The following PLCG1 variants were observed in gnomAD, a reference collection of about 807,000 sequenced individuals.
PLCG1 encodes phospholipase C gamma 1, also known as 1-phosphatidylinositol 4,5-bisphosphate phosphodiesterase gamma-1.
PLCG1 carries 71 observed loss-of-function variants against 177.8 expected under a neutral mutation model. The ratio of observed to expected loss-of-function variants is 0.40; its 90% CI spans 0.33 to 0.49. The LOEUF is 0.49. Ranked by LOEUF, PLCG1 falls within the 20% of genes least tolerant of loss-of-function variation. The probability of loss-of-function intolerance (pLI) is 0.72; values close to 1 mark genes in which losing one functional copy is unlikely to be tolerated. For missense variants in PLCG1, 1,281 were observed against 1,709.0 expected (o/e 0.75, Z 4.42); for synonymous variants, 658 against 647.9 (o/e 1.02, Z -0.24).
rs776818097 is a variant in PLCG1, at chr20:41,170,200, C to T, written c.2739C>T (p.Ala913=). The change falls in exon 24 of 32, where the codon GCC becomes GCT. Residue 913 remains alanine, a synonymous_variant. Coordinates refer to ENST00000685551, the MANE Select transcript of PLCG1 (RefSeq NM_002660.3). The part of the protein sequence containing the change: ...SVAHWSLDVA[A]DSQEELQDWV... ...CCCACTGGTCCCTGGATGTTGCTGC[C>T]GACTCACAGGAGGAGCTGCAGGACT... The T allele has an allele frequency of 2.2e-5, 35 of 1,613,934 alleles. No homozygotes were observed. Among genetic ancestry groups the T allele is most frequent in the Non-Finnish European group, 2.5e-5 (30 of 1,180,002 alleles).
chr20:41,142,423 C>T (rs1367815921), intron 1 of PLCG1, among the ~76,000 whole-genome samples: 2 of 152,214 alleles, frequency 1.3e-5, no homozygotes, highest in Non-Finnish European at 1.5e-5. Flanking sequence ...CTTGCCTCTG[C>T]CTGGGAGACC....
rs1200866594 is a variant in PLCG1 at position 41,144,824 on chromosome 20, G to C, written c.217+6966G>C. ...TTCATGGTGGCAGTAGATCTCTAGCGTGGTTTGTGTTCCATCTCACCATAC... is the reference window on the plus strand; with the variant it reads ...TTCATGGTGGCAGTAGATCTCTAGCCTGGTTTGTGTTCCATCTCACCATAC... On this transcript the variant is annotated intron_variant, in intron 1 of 31. Coordinates refer to ENST00000685551, the MANE Select transcript of PLCG1 (RefSeq NM_002660.3). This position sits in a 1 kb window ranked among gnomAD's most constrained non-coding sequence, Gnocchi z 4.1. Among the ~76,000 whole-genome samples the C allele has an allele frequency of 6.6e-6, 1 of 152,000 alleles. No homozygotes were observed. The highest frequency in any genetic ancestry group is 1.5e-5 in the Non-Finnish European group (1 of 68,030).
chr20:41,149,847 G>A (rs2035110985), intron 1 of PLCG1, among the ~76,000 whole-genome samples: 2 of 152,174 alleles, frequency 1.3e-5, no homozygotes, highest in Non-Finnish European at 2.9e-5. Flanking sequence ...AGGAGAGAGG[G>A]CGTGATCAAC....
chr20:41,172,363 TCC>T lies in PLCG1; in HGVS notation c.2906-53_2906-52del. The T allele has an allele frequency of 6.3e-7, 1 of 1,575,752 alleles. No individual in the cohort carries two copies. The highest frequency in any genetic ancestry group is 8.7e-7 in the Non-Finnish European group (1 of 1,145,174). On this transcript the variant is annotated intron_variant, in intron 25 of 31. Transcript: ENST00000685551. The surrounding 1 kb of genome is among the most constrained non-coding windows in gnomAD (Gnocchi z 7.0). ...TGGGTGCAAAAAGAGTATTTAGGTA[TCC>T]CCCCAACACTTCCTGGGTGGGCGGG...
intron 1 of PLCG1, among the ~76,000 whole-genome samples, chr20:41,139,795 G>A (rs35798885): frequency 6.6e-6 from 1 of 152,192 alleles, no homozygotes; most frequent in Non-Finnish European, 1.5e-5. Context: ...GGATGAAGGT[G>A]CAGGAAGGGA....
At position 41,151,418 on chromosome 20, in the gene PLCG1, C is replaced by T. The variant is rs2035163030; in HGVS notation, c.218-8188C>T. On this transcript the variant is annotated intron_variant, in intron 1 of 31. Transcript: ENST00000685551. This position sits in a 1 kb window ranked among gnomAD's most constrained non-coding sequence, Gnocchi z 5.5. ...GCTGCCCGCGGGTCTGGTTTGAAGG[C>T]AGCTGCTGCACAGTAATGGGAAGGA... Among the ~76,000 whole-genome samples the T allele has an allele frequency of 6.6e-6, 1 of 152,220 alleles. No homozygotes were observed. Among genetic ancestry groups the T allele is most frequent in the South Asian group, 2.1e-4 (1 of 4,830 alleles).
At chr20:41,161,297 G>A (rs1600656697) in intron 4 of PLCG1, among the ~76,000 whole-genome samples, 2 of 152,164 alleles carry the variant, frequency 1.3e-5, no homozygotes, top group African/African-American at 4.8e-5. Flanking sequence ...GAAGAGCGGT[G>A]TCACCCTAGC....
rs1356651509 is a variant in PLCG1, at chr20:41,176,807, G to A, written c.*2298G>A. 1 of 148,536 alleles carries A rather than the reference G, an allele frequency of 6.7e-6. No individual in the cohort carries two copies. The highest frequency in any genetic ancestry group is 1.5e-5 in the Non-Finnish European group (1 of 66,040). 9.2% of individuals were successfully genotyped at this position (148,536 alleles called of 1,614,324 possible). A position where few individuals can be genotyped will look rare whatever the true frequency, so the allele number is the denominator to read the frequency against. On this transcript the variant is annotated 3_prime_UTR_variant, in exon 32 of 32. Coordinates refer to ENST00000685551, the MANE Select transcript of PLCG1 (RefSeq NM_002660.3). The stretch of plus-strand genomic sequence containing the variant: ...CAAATGTTGATTGACCCAGAAGGCA[G>A]AGTGTTTGTTGGTGGGGAAGACCCT...
In PLCG1 at chr20:41,176,226, C is replaced by T. The variant is rs559907751; in HGVS notation, c.*1717C>T. Reference sequence around the variant, plus strand: ...CCACACAAAAAATTTAAGATAGATCCGGTTCCGTGGATGACATGAACTGAT... The same window carrying T: ...CCACACAAAAAATTTAAGATAGATCTGGTTCCGTGGATGACATGAACTGAT... On this transcript the variant is annotated 3_prime_UTR_variant, in exon 32 of 32. Transcript: ENST00000685551. 5 of 152,144 alleles carry T rather than the reference C, an allele frequency of 3.3e-5. No homozygotes were observed. Among genetic ancestry groups the T allele is most frequent in the East Asian group, 1.9e-4 (1 of 5,188 alleles). 9.4% of individuals were successfully genotyped at this position (152,144 alleles called of 1,614,324 possible).
At position 41,144,048 on chromosome 20, in the gene PLCG1, A is replaced by G. The variant is rs35126166; in HGVS notation, c.217+6190A>G. ...GTGTTCCTTCCCTGAGTCTGTACACAGAGGACTGGGGCATCAAAAAACTCT... is the reference window on the plus strand; with the variant it reads ...GTGTTCCTTCCCTGAGTCTGTACACGGAGGACTGGGGCATCAAAAAACTCT... On this transcript the variant is annotated intron_variant, in intron 1 of 31. Coordinates refer to ENST00000685551, the MANE Select transcript of PLCG1 (RefSeq NM_002660.3). This position sits in a 1 kb window ranked among gnomAD's most constrained non-coding sequence, Gnocchi z 4.1. Among the ~76,000 whole-genome samples the G allele has an allele frequency of 0.017, 2,585 of 152,304 alleles. 33 individuals carry two copies. The highest frequency in any genetic ancestry group is 0.025 in the Non-Finnish European group (1,710 of 68,030).
chr20:41,159,540 G>T lies in PLCG1; in HGVS notation c.218-66G>T. 6.5e-7 allele frequency: 1 copy of T among 1,542,048 alleles called. No homozygotes were observed. The highest frequency in any genetic ancestry group is 8.9e-7 in the Non-Finnish European group (1 of 1,127,896). ...AGTGTAAGAATGAGGAAACCAGGCTGCCCTCCTTTCGGTGTTGACTCTGGG... is the reference window on the plus strand; with the variant it reads ...AGTGTAAGAATGAGGAAACCAGGCTTCCCTCCTTTCGGTGTTGACTCTGGG... On this transcript the variant is annotated intron_variant, in intron 1 of 31. Coordinates refer to ENST00000685551, the MANE Select transcript of PLCG1 (RefSeq NM_002660.3). This position sits in a 1 kb window ranked among gnomAD's most constrained non-coding sequence, Gnocchi z 6.0.
chr20:41,164,559 C>G lies in PLCG1; in HGVS notation c.1217+358C>G, dbSNP rs1349088461. Among the ~76,000 whole-genome samples, 1 of 152,104 alleles carries G rather than the reference C, an allele frequency of 6.6e-6. No homozygotes were observed. Among genetic ancestry groups the G allele is most frequent in the South Asian group, 2.1e-4 (1 of 4,822 alleles). On this transcript the variant is annotated intron_variant, in intron 12 of 31. Coordinates refer to ENST00000685551, the MANE Select transcript of PLCG1 (RefSeq NM_002660.3). This position sits in a 1 kb window ranked among gnomAD's most constrained non-coding sequence, Gnocchi z 6.4. Reference sequence around the variant, plus strand: ...TGTCTCTGTTCCCTGTGTCCCATTCCTTCAATTCTGTTTACTGCTTAAACT... The same window carrying G: ...TGTCTCTGTTCCCTGTGTCCCATTCGTTCAATTCTGTTTACTGCTTAAACT...
Position 41,163,992 on chromosome 20 carries a change from G to A in PLCG1, c.1082G>A (p.Cys361Tyr). 3 of 1,614,212 alleles carry A rather than the reference G, an allele frequency of 1.9e-6. No individual in the cohort carries two copies. The highest frequency in any genetic ancestry group is 2.5e-6 in the Non-Finnish European group (3 of 1,180,038). ...TATGCTCGCTGCCTGCGGATGGGCT[G>A]TCGCTGCATTGAGTGTGCGTGGGGT... ...EAYARCLRMG[C>Y]RCIELDCWDG... The change falls in exon 11 of 32, where the codon TGT becomes TAT. Residue 361 changes from cysteine to tyrosine, a missense_variant. Cys to Tyr is a radical substitution (Grantham distance 194). This residue lies in a region of PLCG1 where 31 missense variants were observed against 82.1 expected (regional missense o/e 0.38). Coordinates refer to ENST00000685551, the MANE Select transcript of PLCG1 (RefSeq NM_002660.3). The surrounding 1 kb of genome is among the most constrained non-coding windows in gnomAD (Gnocchi z 5.2).
chr20:41,169,584 A>G, intron 23 of PLCG1, 58 bp downstream of exon 23: 1 of 1,329,256 alleles, frequency 7.5e-7, no homozygotes, highest in Non-Finnish European at 1.1e-6. Flanking sequence ...TCTTCTTTGT[A>G]TCTCTTTCCT....
In PLCG1 at chr20:41,144,509, T is replaced by G. The variant is rs1339968999; in HGVS notation, c.217+6651T>G. ...TGGCCCACCCAGACCTTTCCCACAC[T>G]CCTACATGGGGGTGAATGTAGCCGC... On this transcript the variant is annotated intron_variant, in intron 1 of 31. Transcript: ENST00000685551. The surrounding 1 kb of genome is among the most constrained non-coding windows in gnomAD (Gnocchi z 4.1). Among the ~76,000 whole-genome samples, 1 of 151,960 alleles carries G rather than the reference T, an allele frequency of 6.6e-6. No individual in the cohort carries two copies. Among genetic ancestry groups the G allele is most frequent in the East Asian group, 1.9e-4 (1 of 5,162 alleles).
chr20:41,162,801 C>A, intron 6 of PLCG1, 76 bp downstream of exon 6: 1 of 1,386,654 alleles, frequency 7.2e-7, no homozygotes. Flanking sequence ...CCTGCCTCAG[C>A]CCTGCTGCCC....
intron 1 of PLCG1, among the ~76,000 whole-genome samples, chr20:41,140,488 A>T (rs2034786039): frequency 1.3e-5 from 2 of 152,196 alleles, no homozygotes; most frequent in African/African-American, 2.4e-5. Context: ...GCCTGGCCTA[A>T]GAGAGAGACA....
In PLCG1 at chr20:41,166,997, G is replaced by A; in HGVS notation, c.2301+138G>A. The stretch of plus-strand genomic sequence containing the variant: ...GGAGGGCCCCTGACTCCAGCTGGGA[G>A]CCACAGTGTGGGTACCAGGAGGGTG... On this transcript the variant is annotated intron_variant, in intron 19 of 31. Transcript: ENST00000685551. The surrounding 1 kb of genome is among the most constrained non-coding windows in gnomAD (Gnocchi z 8.6). 1 of 759,086 alleles carries A rather than the reference G, an allele frequency of 1.3e-6. No individual in the cohort carries two copies. Among genetic ancestry groups the A allele is most frequent in the East Asian group, 2.5e-5 (1 of 39,354 alleles). 47.0% of individuals were successfully genotyped at this position (759,086 alleles called of 1,614,324 possible). A position where few individuals can be genotyped will look rare whatever the true frequency, so the allele number is the denominator to read the frequency against.
In PLCG1 at chr20:41,165,052, C is replaced by T. The variant is rs752483032; in HGVS notation, c.1337C>T (p.Ala446Val). 1.9e-6 allele frequency: 3 copies of T among 1,611,750 alleles called. No individual in the cohort carries two copies. The highest frequency in any genetic ancestry group is 2.5e-6 in the Non-Finnish European group (3 of 1,179,106). Residue 446 changes from alanine to valine, a missense_variant, in exon 13 of 32, where the codon GCC becomes GTC. Physicochemically the swap from Ala to Val is moderately conservative, Grantham distance 64 (BLOSUM62 0). Transcript: ENST00000685551. The surrounding 1 kb of genome is among the most constrained non-coding windows in gnomAD (Gnocchi z 6.6). ...TLLTKPVEIS[A>V]DGLPSPNQLK... ...CTCACCAAGCCCGTGGAGATCTCTG[C>T]CGACGGGCTCCCCTCACCCAACCAG...
Sources: allele counts gnomAD v4.1 joint callset (sites outside exome capture counted in the v4.1 genomes callset), GRCh38; gene constraint gnomAD v4.1.1; regional missense constraint gnomAD v4.1.1; non-coding constraint Gnocchi (gnomAD v3.1); transcripts MANE v1.5; gene names NCBI Gene and HGNC (gene_info 2026-07-23, HGNC 2026-07-21).